DCC: variants seen among roughly 807,000 people sequenced by gnomAD.
DCC encodes the protein netrin receptor DCC.
A neutral mutation model predicts 172.5 loss-of-function variants in DCC; 58 were observed. That is an observed-to-expected ratio of 0.34 (90% confidence interval 0.27 to 0.42). The LOEUF is 0.42. Ranked by LOEUF, DCC falls within the 10% of genes least tolerant of loss-of-function variation. The pLI, the probability that DCC is intolerant of heterozygous loss-of-function variation, is 1.00. For missense variants in DCC, 1,740 were observed against 1,791.0 expected, an observed-to-expected ratio of 0.97 and a Z score of 0.51; for synonymous variants, 709 against 644.5, an observed-to-expected ratio of 1.10 and a Z score of -1.52.
chr18:52,984,465 A>G (rs991447820), intron 5 of DCC, among the ~76,000 whole-genome samples: 3 of 152,176 alleles, frequency 2.0e-5, no homozygotes, highest in African/African-American at 4.8e-5. Context: ...TCATTTCCTC[A>G]TAAGGGAAAA....
At chr18:52,906,531 T>G (rs1300895056) in intron 3 of DCC, among the ~76,000 whole-genome samples, 1 of 151,648 alleles carries the variant, frequency 6.6e-6, no homozygotes, top group Non-Finnish European at 1.5e-5. Flanking sequence ...CATGTCTTGT[T>G]GAAGTTTCTG....
intron 1 of DCC, among the ~76,000 whole-genome samples, chr18:52,390,113 G>A (rs1985973234): frequency 6.6e-6 from 1 of 151,956 alleles, no homozygotes; most frequent in Non-Finnish European, 1.5e-5. Context: ...AGAAGACCCA[G>A]GCAGCAAAAG....
chr18:53,426,339 ATATT>A (rs891491351), intron 21 of DCC, among the ~76,000 whole-genome samples: 1 of 144,344 alleles, frequency 6.9e-6, no homozygotes, highest in African/African-American at 2.5e-5. Flanking sequence ...TTTATGATAT[ATATT>A]TATAATATAT....
chr18:53,494,332 T>A (rs1279922340), intron 26 of DCC, among the ~76,000 whole-genome samples: 1 of 152,090 alleles, frequency 6.6e-6, no homozygotes, highest in Non-Finnish European at 1.5e-5. Context: ...TGTGGGTGTC[T>A]GTTTGGTCCA....
chr18:53,362,555 CAG>C lies in DCC; in HGVS notation c.2359+22650_2359+22651del, dbSNP rs199536411. 5.6e-3 allele frequency among the ~76,000 whole-genome samples: 849 copies of C among 152,234 alleles called. 6 individuals are homozygous for C. The highest frequency in any genetic ancestry group is 0.024 in the Admixed American group (372 of 15,264). On this transcript the variant is annotated intron_variant, in intron 15 of 28. Transcript: ENST00000442544. ...CAAGAAAAAGTGTAGGAAGAGAAAA[CAG>C]ATCTTGTCAGTGTGGGGTGGAGGAT...
chr18:53,008,580 A>T (rs547273287), intron 5 of DCC, among the ~76,000 whole-genome samples: 4 of 152,196 alleles, frequency 2.6e-5, no homozygotes, highest in Admixed American at 2.0e-4. Flanking sequence ...ATATTACATA[A>T]GTGTAAAATA....
At chr18:52,383,833 A>T (rs993962629) in intron 1 of DCC, among the ~76,000 whole-genome samples, 1 of 151,980 alleles carries the variant, frequency 6.6e-6, no homozygotes, top group Non-Finnish European at 1.5e-5. Context: ...GCTTCTATAC[A>T]TTTACCACAG....
intron 26 of DCC, among the ~76,000 whole-genome samples, chr18:53,497,914 A>C (rs1483849318): frequency 6.6e-6 from 1 of 151,962 alleles, no homozygotes; most frequent in Non-Finnish European, 1.5e-5. Context: ...GCCTTGATTC[A>C]TTTCCCTTGT....
At chr18:52,934,609 C>T (rs2040355222) in intron 5 of DCC, among the ~76,000 whole-genome samples, 1 of 151,982 alleles carries the variant, frequency 6.6e-6, no homozygotes, top group African/African-American at 2.4e-5. Flanking sequence ...TTTCATTGAC[C>T]ACTGCAATGG....
intron 1 of DCC, among the ~76,000 whole-genome samples, chr18:52,579,509 T>C (rs2033494401): frequency 1.3e-5 from 2 of 152,196 alleles, no homozygotes; most frequent in South Asian, 4.1e-4. Flanking sequence ...ATAAATCTTT[T>C]ATTGTGTAGT....
At chr18:52,822,766 TGTG>T (rs1432455357) in intron 2 of DCC, among the ~76,000 whole-genome samples, 2 of 152,222 alleles carry the variant, frequency 1.3e-5, no homozygotes, top group Non-Finnish European at 2.9e-5. Flanking sequence ...GGATTAAGGT[TGTG>T]GTGGAGATAC....
Position 53,514,092 on chromosome 18 carries a change from G to A in DCC, c.4112-12525G>A, listed in dbSNP as rs146376104. On this transcript the variant is annotated intron_variant, in intron 27 of 28. Transcript: ENST00000442544. Reference sequence around the variant, plus strand: ...TCCTCAGCAAATGTAAAAGAACAGAGATTATAACAGTGCAGACCACAGTGC... The same window carrying A: ...TCCTCAGCAAATGTAAAAGAACAGAAATTATAACAGTGCAGACCACAGTGC... 3.5e-3 allele frequency among the ~76,000 whole-genome samples: 529 copies of A among 152,030 alleles called. 3 individuals are homozygous for A. Among genetic ancestry groups the A allele is most frequent in the African/African-American group, 0.012 (489 of 41,512 alleles).
At chr18:52,922,614 A>G (rs980440597) in intron 3 of DCC, among the ~76,000 whole-genome samples, 1 of 152,174 alleles carries the variant, frequency 6.6e-6, no homozygotes, top group African/African-American at 2.4e-5. Context: ...ACTTCAATTA[A>G]GTCTTCCTCA....
intron 26 of DCC, among the ~76,000 whole-genome samples, chr18:53,496,220 G>A (rs565727728): frequency 8.5e-5 from 13 of 152,188 alleles, no homozygotes; most frequent in South Asian, 8.3e-4. Context: ...TCTGGCTGGC[G>A]GGTGCCTCTC....
intron 7 of DCC, among the ~76,000 whole-genome samples, chr18:53,145,595 A>G (rs2043900329): frequency 6.6e-6 from 1 of 152,046 alleles, no homozygotes; most frequent in African/African-American, 2.4e-5. Context: ...TGAGAAATAT[A>G]TTTCTGCTGT....
chr18:53,523,673 C>A (rs2046424415), intron 27 of DCC, among the ~76,000 whole-genome samples: 1 of 152,024 alleles, frequency 6.6e-6, no homozygotes, highest in Non-Finnish European at 1.5e-5. Context: ...AAACCAAACA[C>A]CGCATGTTCT....
intron 1 of DCC, among the ~76,000 whole-genome samples, chr18:52,486,402 G>A (rs535458624): frequency 6.6e-6 from 1 of 152,068 alleles, no homozygotes; most frequent in Non-Finnish European, 1.5e-5. Context: ...TGAACAGCTA[G>A]ACCTGATATA....
At chr18:52,937,564 C>T (rs956613940) in intron 5 of DCC, among the ~76,000 whole-genome samples, 1 of 152,260 alleles carries the variant, frequency 6.6e-6, no homozygotes, top group Non-Finnish European at 1.5e-5. Flanking sequence ...GGCTGAGGTG[C>T]AGTGGCGTGA....
At chr18:52,588,194 C>T (rs1451876676) in intron 1 of DCC, among the ~76,000 whole-genome samples, 1 of 152,174 alleles carries the variant, frequency 6.6e-6, no homozygotes, top group African/African-American at 2.4e-5. Flanking sequence ...CTTCAAAATC[C>T]TAGAGGCCTC....
Sources: allele counts gnomAD v4.1 joint callset (sites outside exome capture counted in the v4.1 genomes callset), GRCh38; gene constraint gnomAD v4.1.1; transcripts MANE v1.5; gene names NCBI Gene and HGNC (gene_info 2026-07-23, HGNC 2026-07-21).